Variants in MFF observed in about 807,000 individuals in gnomAD.
The protein encoded by MFF is mitochondrial fission factor.
Under a neutral mutation model 36.9 loss-of-function variants are expected in MFF, and 12 were observed. The observed-to-expected ratio is 0.33, with a 90% confidence interval of 0.21 to 0.53. The LOEUF (loss-of-function observed/expected upper bound fraction) is 0.53. Among genes scored for constraint, MFF ranks in the 20% least tolerant of loss-of-function variants. The pLI is 0.95. For missense variants in MFF, 348 were observed against 366.6 expected (o/e 0.95, Z 0.42); for synonymous variants, 99 against 126.2 (o/e 0.78, Z 1.44).
chr2:227,331,950 G>A (rs1330279469), intron 3 of MFF, among the ~76,000 whole-genome samples: 1 of 144,766 alleles, frequency 6.9e-6, no homozygotes, highest in Non-Finnish European at 1.5e-5. Flanking sequence ...ATGTCAATAC[G>A]CTGGAAGCAT....
rs529763185 is a variant in MFF, at chr2:227,326,479, G to A, written c.-153+1052G>A. Among the ~76,000 whole-genome samples the A allele has an allele frequency of 1.3e-3, 196 of 152,216 alleles. 1 individual carries two copies. The highest frequency in any genetic ancestry group is 4.5e-3 in the African/African-American group (188 of 41,534). On this transcript the variant is annotated intron_variant, in intron 1 of 8. Transcript: ENST00000304593. ...TTGCTTGGGGGACCTTCTATCTTTT[G>A]GTTTCAAAGGCTTGTATATTGGTTT... is the stretch of plus-strand genomic sequence containing the variant.
intron 1 of MFF, among the ~76,000 whole-genome samples, chr2:227,325,912 G>A (rs897483860): frequency 6.6e-6 from 1 of 152,136 alleles, no homozygotes; most frequent in African/African-American, 2.4e-5. Flanking sequence ...TGGAAAAGAA[G>A]GGCCTTGTTG....
intron 5 of MFF, among the ~76,000 whole-genome samples, chr2:227,342,120 TA>T (rs2075429203): frequency 6.6e-6 from 1 of 152,108 alleles, no homozygotes; most frequent in South Asian, 2.1e-4. Context: ...TGACATTTTC[TA>T]AATTTTTAGT....
chr2:227,340,115 T>C (rs1284709723), intron 4 of MFF, among the ~76,000 whole-genome samples, 177 bp from the exon 5 acceptor site: 1 of 152,112 alleles, frequency 6.6e-6, no homozygotes, highest in Non-Finnish European at 1.5e-5. Flanking sequence ...TGTGTCTTGT[T>C]TTGTTTTTAA....
chr2:227,352,752 G>A (rs2076065806), intron 7 of MFF, among the ~76,000 whole-genome samples, 179 bp downstream of exon 7: 1 of 152,152 alleles, frequency 6.6e-6, no homozygotes, highest in Admixed American at 6.6e-5. Flanking sequence ...ATGACATTTG[G>A]CCAATTAGTA....
chr2:227,347,335 A>C lies in MFF; in HGVS notation c.550A>C (p.Thr184Pro). The change falls in exon 6 of 9, where the codon ACT becomes CCT. Residue 184 changes from threonine (T) to proline (P), a missense_variant. Physicochemically the swap from Thr to Pro is conservative, Grantham distance 38. Transcript: ENST00000304593. Reference protein sequence around the residue: ...RGILSLIQSSTRRAYQQILDV... With the variant: ...RGILSLIQSSPRRAYQQILDV... The stretch of plus-strand genomic sequence containing the variant: ...CATTTTGTCGCTTATCCAGTCTTCT[A>C]CTCGTAGGGCATACCAGCAGATCTT... 6.2e-7 allele frequency: 1 copy of C among 1,613,702 alleles called. No individual in the cohort carries two copies.
At chr2:227,331,225 T>G (rs1359947876) in intron 3 of MFF, among the ~76,000 whole-genome samples, 2 of 152,220 alleles carry the variant, frequency 1.3e-5, no homozygotes, top group Admixed American at 6.5e-5. Flanking sequence ...ATCTCCTTTC[T>G]ATAGCCAGAG....
chr2:227,334,770 G>A (rs1574913199), intron 4 of MFF, among the ~76,000 whole-genome samples: 1 of 152,142 alleles, frequency 6.6e-6, no homozygotes, highest in Non-Finnish European at 1.5e-5. Flanking sequence ...ATCCAAAAAT[G>A]TCTGTAATAG....
Position 227,330,865 on chromosome 2 carries a change from G to C in MFF, c.181+19G>C. 1.4e-6 allele frequency: 2 copies of C among 1,450,806 alleles called. No homozygotes were observed. Among genetic ancestry groups the C allele is most frequent in the Non-Finnish European group, 9.3e-7 (1 of 1,071,384 alleles). 89.9% of individuals were successfully genotyped at this position (1,450,806 alleles called of 1,614,324 possible). A position where few individuals can be genotyped will look rare whatever the true frequency, so the allele number is the denominator to read the frequency against. Reference sequence around the variant, plus strand: ...GTAGCAGGTATTTCACCTTTACTTAGAAGGTTGCCTGTTAAATCTTTGTTT... The same window carrying C: ...GTAGCAGGTATTTCACCTTTACTTACAAGGTTGCCTGTTAAATCTTTGTTT... On this transcript the variant is annotated intron_variant, in intron 3 of 8. Transcript: ENST00000304593.
chr2:227,350,081 C>T (rs1029794847), intron 6 of MFF, among the ~76,000 whole-genome samples: 1 of 152,006 alleles, frequency 6.6e-6, no homozygotes, highest in African/African-American at 2.4e-5. Context: ...ATATTTTTTT[C>T]TTACAAGAAT....
At chr2:227,337,813 C>T (rs972830942) in intron 4 of MFF, among the ~76,000 whole-genome samples, 9 of 152,082 alleles carry the variant, frequency 5.9e-5, no homozygotes, top group Non-Finnish European at 1.0e-4. Context: ...CTTTGGGAAG[C>T]CGAAGTGGGT....
chr2:227,330,921 T>C, intron 3 of MFF, 75 bp downstream of exon 3: 3 of 1,244,266 alleles, frequency 2.4e-6, no homozygotes, highest in Non-Finnish European at 3.4e-6. Flanking sequence ...TTTGAGTTTT[T>C]CTAAATGTTA....
chr2:227,346,412 C>A (rs894605039), intron 5 of MFF: 2 of 163,528 alleles, frequency 1.2e-5, no homozygotes, highest in Non-Finnish European at 2.9e-5. Flanking sequence ...TAGGTTAGAA[C>A]CATAAGAATT....
chr2:227,327,374 GA>G (rs1304832164), intron 1 of MFF, among the ~76,000 whole-genome samples: 1 of 152,134 alleles, frequency 6.6e-6, no homozygotes, highest in Non-Finnish European at 1.5e-5. Context: ...CACCAAATGA[GA>G]CGTTTATTTA....
intron 2 of MFF, chr2:227,329,897 TGGC>T (rs1378379641): frequency 1.4e-5 from 9 of 634,828 alleles, no homozygotes; most frequent in Non-Finnish European, 2.4e-5. Context: ...GCTTTTGTAT[TGGC>T]GGCAACATTC....
At chr2:227,339,557 G>A (rs1437564500) in intron 4 of MFF, among the ~76,000 whole-genome samples, 1 of 152,210 alleles carries the variant, frequency 6.6e-6, no homozygotes, top group Admixed American at 6.5e-5. Flanking sequence ...TGGCCTCACT[G>A]TGTGGCTACT....
intron 3 of MFF, 25 bp from the exon 4 acceptor site, chr2:227,332,394 T>C: frequency 1.3e-6 from 2 of 1,510,444 alleles, no homozygotes; most frequent in Admixed American, 4.2e-5. Flanking sequence ...TTCTCTTCTT[T>C]GTCTCTTTTC....
intron 4 of MFF, among the ~76,000 whole-genome samples, chr2:227,339,854 A>G (rs960994845): frequency 6.6e-6 from 1 of 152,184 alleles, no homozygotes; most frequent in Admixed American, 6.5e-5. Context: ...CAAATATTCA[A>G]CCAAATCTTA....
chr2:227,330,540 C>T (rs542994238), intron 2 of MFF, 86 bp from the exon 3 acceptor site: 20 of 842,168 alleles, frequency 2.4e-5, no homozygotes, highest in Admixed American at 1.1e-4. Context: ...TTCGCTCTTT[C>T]TATAAGGTAT....
Sources: gnomAD v4.1 joint callset for allele counts (sites outside exome capture counted in the v4.1 genomes callset) on GRCh38, gnomAD v4.1.1 for gene constraint, MANE v1.5 for transcripts, NCBI Gene and HGNC (gene_info 2026-07-23, HGNC 2026-07-21) for gene names.